Variants in ABHD3 observed in about 807,000 individuals in gnomAD.
ABHD3 encodes the protein abhydrolase domain containing 3, phospholipase.
Under a neutral mutation model 48.8 loss-of-function variants are expected in ABHD3, and 46 were observed. The observed-to-expected ratio is 0.94, with a 90% CI of 0.74 to 1.20. The LOEUF (loss-of-function observed/expected upper bound fraction) is 1.20. Among genes scored for constraint, ABHD3 ranks in the 50% most tolerant of loss-of-function variants. The pLI is 0.00. For synonymous variants in ABHD3, 192 were observed against 183.7 expected (o/e 1.04, Z -0.36); for missense variants, 490 against 497.8 (o/e 0.98, Z 0.15).
At chr18:21,689,574 A>AAAAAT (rs1555681996) in intron 3 of ABHD3, among the ~76,000 whole-genome samples, 2 of 148,712 alleles carry the variant, frequency 1.3e-5, no homozygotes, top group African/African-American at 2.5e-5. Context: ...AAAAAAAAAA[A>AAAAAT]GGGAAATGCT....
chr18:21,666,825 G>T (rs1000895731), intron 4 of ABHD3, among the ~76,000 whole-genome samples: 5 of 152,188 alleles, frequency 3.3e-5, no homozygotes, highest in Admixed American at 1.3e-4. Context: ...TGCTTCACTT[G>T]AGATCTGGGA....
In ABHD3 at chr18:21,678,257, T is replaced by C. The variant is rs1310106799; in HGVS notation, c.555+5663A>G. The stretch of plus-strand genomic sequence containing the variant: ...GGTATGAGCTACTGTGCCTGGCTCA[T>C]GTATAAGTTATTGTGAGAACATATA... On this transcript the variant is annotated intron_variant, in intron 4 of 8. Coordinates refer to ENST00000289119, the MANE Select transcript of ABHD3 (RefSeq NM_138340.5). 3.3e-5 allele frequency among the ~76,000 whole-genome samples: 5 copies of C among 152,330 alleles called. No homozygotes were observed. In the South Asian group the frequency reaches 1.0e-3, roughly 32 times the overall value.
chr18:21,684,310 G>GTTT, intron 3 of ABHD3, among the ~76,000 whole-genome samples: 1 of 101,562 alleles, frequency 9.8e-6, no homozygotes, highest in Non-Finnish European at 2.0e-5. Flanking sequence ...AAATGTTTTT[G>GTTT]CTTTTTTTTT....
intron 3 of ABHD3, among the ~76,000 whole-genome samples, chr18:21,684,792 G>C (rs2040094359): frequency 6.6e-6 from 1 of 152,156 alleles, no homozygotes; most frequent in Non-Finnish European, 1.5e-5. Context: ...GAGCCACAAA[G>C]AGCCTGGCAC....
intron 1 of ABHD3, 145 bp downstream of exon 1, chr18:21,704,359 G>T: frequency 1.1e-6 from 1 of 899,232 alleles, no homozygotes; most frequent in Non-Finnish European, 1.4e-6. Flanking sequence ...TGGCTTTCCC[G>T]CGCGCGCTGG....
In ABHD3 at chr18:21,704,608, C is replaced by G. The variant is rs745996120; in HGVS notation, c.58G>C (p.Glu20Gln). The G allele has an allele frequency of 1.9e-6, 3 of 1,554,878 alleles. No homozygotes were observed. The highest frequency in any genetic ancestry group is 2.6e-6 in the Non-Finnish European group (3 of 1,153,112). Residue 20 changes from glutamate (E) to glutamine (Q), a missense_variant, in exon 1 of 9, where the codon GAA becomes CAA. Coordinates refer to ENST00000289119, the MANE Select transcript of ABHD3 (RefSeq NM_138340.5). ...MLSRELSLYL[E>Q]HQVRVGFFGS... ...AAGAACCCCACCCGGACTTGGTGTT[C>G]CAGGTAGAGGGAGAGCTCCCGGGAC...
At chr18:21,686,071 T>C (rs2040123134) in intron 3 of ABHD3, among the ~76,000 whole-genome samples, 1 of 152,198 alleles carries the variant, frequency 6.6e-6, no homozygotes, top group Admixed American at 6.5e-5. Flanking sequence ...CTCTAACTCC[T>C]GGGCTCAAGT....
At chr18:21,659,792 C>T (rs1030258673) in intron 5 of ABHD3, among the ~76,000 whole-genome samples, 1 of 151,980 alleles carries the variant, frequency 6.6e-6, no homozygotes, top group African/African-American at 2.4e-5. Flanking sequence ...CCTCAGCCTC[C>T]CGCGTAGCTG....
chr18:21,697,697 T>C (rs542429622), intron 3 of ABHD3, among the ~76,000 whole-genome samples: 158 of 152,348 alleles, frequency 1.0e-3, no homozygotes, highest in African/African-American at 3.5e-3. Context: ...TATTTACCTT[T>C]GACTTACATA....
intron 4 of ABHD3, among the ~76,000 whole-genome samples, chr18:21,674,590 C>T (rs1405226887): frequency 6.6e-6 from 1 of 152,092 alleles, no homozygotes; most frequent in East Asian, 1.9e-4. Context: ...TTGGACTGCA[C>T]CTATCAATGT....
At chr18:21,677,515 C>G (rs1205135222) in intron 4 of ABHD3, among the ~76,000 whole-genome samples, 1 of 151,766 alleles carries the variant, frequency 6.6e-6, no homozygotes, top group East Asian at 1.9e-4. Context: ...CGACTTCATT[C>G]CTTTTTAATG....
At position 21,698,847 on chromosome 18, in the gene ABHD3, C is replaced by T. The variant is rs56760699; in HGVS notation, c.509+3469G>A. Among the ~76,000 whole-genome samples the T allele has an allele frequency of 9.5e-3, 1,448 of 152,124 alleles. 26 individuals are homozygous for T. The highest frequency in any genetic ancestry group is 0.033 in the African/African-American group (1,358 of 41,516). ...CCACCCACCTTGGCCTCCCAGACTG[C>T]TGGGATTACAGGCGTCAGCCACTGT... On this transcript the variant is annotated intron_variant, in intron 3 of 8. Transcript: ENST00000289119.
At chr18:21,671,264 C>T (rs546941467) in intron 4 of ABHD3, among the ~76,000 whole-genome samples, 5 of 152,216 alleles carry the variant, frequency 3.3e-5, no homozygotes, top group African/African-American at 7.2e-5. Flanking sequence ...GCAGTTCTAT[C>T]GCACAGCCGC....
chr18:21,703,223 C>CCG (rs1555683924), intron 2 of ABHD3, among the ~76,000 whole-genome samples: 1 of 127,548 alleles, frequency 7.8e-6, no homozygotes, highest in Non-Finnish European at 1.7e-5. Flanking sequence ...ACCCCACCCC[C>CCG]CCCCCCAGTA....
intron 4 of ABHD3, among the ~76,000 whole-genome samples, chr18:21,667,233 C>CAT (rs2039653303): frequency 2.8e-5 from 4 of 144,138 alleles, no homozygotes; most frequent in African/African-American, 1.0e-4. Flanking sequence ...ACCACCACAC[C>CAT]CTTTTTTTTT....
intron 3 of ABHD3, among the ~76,000 whole-genome samples, chr18:21,687,357 T>C (rs1050365762): frequency 3.3e-5 from 5 of 150,582 alleles, no homozygotes; most frequent in African/African-American, 7.4e-5. Context: ...TACAGGTGCC[T>C]ACCACCACGC....
intron 3 of ABHD3, among the ~76,000 whole-genome samples, chr18:21,696,396 G>A (rs911739863): frequency 6.6e-6 from 1 of 152,134 alleles, no homozygotes; most frequent in East Asian, 1.9e-4. Context: ...TGATCCGCCT[G>A]CCTTGGCTTC....
intron 4 of ABHD3, among the ~76,000 whole-genome samples, chr18:21,671,522 T>A (rs1204699108): frequency 6.6e-6 from 1 of 152,102 alleles, no homozygotes; most frequent in Admixed American, 6.6e-5. Context: ...CTCGGGCTAG[T>A]AATGCAACTG....
At chr18:21,704,394 C>A (rs1156351768) in intron 1 of ABHD3, 110 bp downstream of exon 1, 18 of 1,140,012 alleles carry the variant, frequency 1.6e-5, no homozygotes, top group Non-Finnish European at 2.0e-5. Flanking sequence ...GAGCAGCTCG[C>A]CGCCTATCCC....
Sources: gnomAD v4.1 joint callset for allele counts (sites outside exome capture counted in the v4.1 genomes callset) on GRCh38, gnomAD v4.1.1 for gene constraint, MANE v1.5 for transcripts, NCBI Gene and HGNC (gene_info 2026-07-23, HGNC 2026-07-21) for gene names.